GABRA3: variants seen among roughly 807,000 people sequenced by gnomAD.
The protein encoded by GABRA3 is gamma-aminobutyric acid type A receptor subunit alpha3.
GABRA3 carries 10 observed loss-of-function variants against 30.1 expected under a neutral mutation model. That is an observed-to-expected ratio of 0.33 (90% CI 0.20 to 0.56). The LOEUF is 0.56. GABRA3 is among the 20% of genes least tolerant of loss of function. GABRA3 has a pLI of 0.89. For synonymous variants in GABRA3, 151 were observed against 146.8 expected (o/e 1.03, Z -0.21); for missense variants, 233 against 392.0 (o/e 0.59, Z 3.42).
intron 1 of GABRA3, among the ~76,000 whole-genome samples, chrX:152,434,775 T>A (rs1930735131): frequency 9.0e-6 from 1 of 111,673 alleles, no homozygotes; most frequent in South Asian, 3.7e-4. Context: ...AGCAATAGAC[T>A]TAGAAAGATC....
chrX:152,380,930 C>T (rs1929125919), intron 1 of GABRA3, among the ~76,000 whole-genome samples: 1 of 111,614 alleles, frequency 9.0e-6, no homozygotes, highest in African/African-American at 3.3e-5. Context: ...GGGCAGATCC[C>T]TCATTAATGA....
chrX:152,239,119 T>C (rs1230267533), intron 5 of GABRA3, among the ~76,000 whole-genome samples: 5 of 100,014 alleles, frequency 5.0e-5, no homozygotes, highest in African/African-American at 1.5e-4. Flanking sequence ...CTGCTTTCTC[T>C]TGTGGGCATT....
intron 3 of GABRA3, among the ~76,000 whole-genome samples, chrX:152,285,573 T>G (rs1040353920): frequency 8.9e-6 from 1 of 111,793 alleles, no homozygotes; most frequent in Non-Finnish European, 1.9e-5. Flanking sequence ...CACCACATAT[T>G]TGCCAAATTG....
chrX:152,398,925 G>A (rs1000528516), intron 1 of GABRA3, among the ~76,000 whole-genome samples: 5 of 111,921 alleles, frequency 4.5e-5, no homozygotes, highest in African/African-American at 1.6e-4. Flanking sequence ...TGTGGAGATA[G>A]TCATGATATA....
intron 3 of GABRA3, among the ~76,000 whole-genome samples, chrX:152,309,652 C>T (rs1939771441): frequency 8.9e-6 from 1 of 111,956 alleles, no homozygotes; most frequent in South Asian, 3.7e-4. Context: ...GAGTGTTAAA[C>T]ACAGAAACAA....
At chrX:152,275,264 T>A (rs1226473985) in intron 4 of GABRA3, among the ~76,000 whole-genome samples, 2 of 54,470 alleles carry the variant, frequency 3.7e-5, no homozygotes, top group Admixed American at 3.1e-4. Context: ...AAAATATATA[T>A]AAATTATATA....
At chrX:152,362,168 T>C (rs1414387317) in intron 2 of GABRA3, among the ~76,000 whole-genome samples, 1 of 110,966 alleles carries the variant, frequency 9.0e-6, no homozygotes, top group Non-Finnish European at 1.9e-5. Context: ...TCAGAGTACA[T>C]TAAGATAATC....
At chrX:152,221,449 G>C (rs1345918519) in intron 6 of GABRA3, among the ~76,000 whole-genome samples, 1 of 111,415 alleles carries the variant, frequency 9.0e-6, no homozygotes, top group Non-Finnish European at 1.9e-5. Context: ...CTAGATATCT[G>C]ATATCAGATT....
Position 152,298,306 on chromosome X carries a change from T to C in GABRA3, c.263-13571A>G, listed in dbSNP as rs919495984. Among the ~76,000 whole-genome samples the C allele has an allele frequency of 1.1e-4, 12 of 110,724 alleles. No homozygotes were observed. The East Asian group carries it at 2.3e-3, about 21-fold the overall frequency. ...TAGTTACATATGTATACATGTGCCA[T>C]GTTGGTGTGCGGCACCCATTAACTC... On this transcript the variant is annotated intron_variant, in intron 3 of 9. Transcript: ENST00000370314.
chrX:152,258,432 T>A (rs1158936422), intron 4 of GABRA3, among the ~76,000 whole-genome samples: 1 of 111,396 alleles, frequency 9.0e-6, no homozygotes, highest in Non-Finnish European at 1.9e-5. Context: ...CTATGAAGGA[T>A]AAAAACAAAA....
At chrX:152,188,521 C>T (rs899142484) in intron 9 of GABRA3, among the ~76,000 whole-genome samples, 1 of 110,154 alleles carries the variant, frequency 9.1e-6, no homozygotes, top group Non-Finnish European at 1.9e-5. Context: ...AGACCCTGTT[C>T]CTAGCTGATA....
intron 4 of GABRA3, among the ~76,000 whole-genome samples, chrX:152,270,915 C>T (rs1938922082): frequency 1.9e-5 from 2 of 106,444 alleles, no homozygotes; most frequent in South Asian, 8.2e-4. Flanking sequence ...GACTTGGAGG[C>T]CTGAGAAGAC....
At chrX:152,201,233 TG>T (rs199844559) in intron 7 of GABRA3, among the ~76,000 whole-genome samples, 2,543 of 112,000 alleles carry the variant, frequency 0.023, 69 homozygotes, top group African/African-American at 0.079. Context: ...AAGAGAGAAC[TG>T]AAACTTTAAT....
At chrX:152,341,807 T>G (rs938252269) in intron 3 of GABRA3, among the ~76,000 whole-genome samples, 1 of 111,438 alleles carries the variant, frequency 9.0e-6, no homozygotes, top group Non-Finnish European at 1.9e-5. Flanking sequence ...CCAAAAGTGC[T>G]GGGATTACAG....
intron 3 of GABRA3, among the ~76,000 whole-genome samples, chrX:152,308,084 A>C (rs1403663576): frequency 8.9e-6 from 1 of 112,488 alleles, no homozygotes; most frequent in African/African-American, 3.2e-5. Flanking sequence ...GTCTGATCTG[A>C]GTGCCCCTGG....
intron 1 of GABRA3, among the ~76,000 whole-genome samples, chrX:152,379,632 A>G: frequency 9.0e-6 from 1 of 111,704 alleles, no homozygotes; most frequent in South Asian, 3.7e-4. Context: ...AACATAATAG[A>G]TATTTACTAT....
intron 2 of GABRA3, among the ~76,000 whole-genome samples, chrX:152,362,240 G>C (rs1189556438): frequency 9.2e-6 from 1 of 109,169 alleles, no homozygotes; most frequent in Non-Finnish European, 1.9e-5. Flanking sequence ...AAGAATATAG[G>C]ACAATAGCCA....
intron 2 of GABRA3, among the ~76,000 whole-genome samples, chrX:152,358,540 C>G (rs751169782): frequency 9.0e-6 from 1 of 111,378 alleles, no homozygotes; most frequent in East Asian, 2.8e-4. Context: ...TTATATCTTT[C>G]TCTTGCCTGA....
At chrX:152,413,171 C>T (rs975284899) in intron 1 of GABRA3, among the ~76,000 whole-genome samples, 1 of 110,150 alleles carries the variant, frequency 9.1e-6, no homozygotes, top group Non-Finnish European at 1.9e-5. Context: ...GAATTCTCAC[C>T]AAAAACCTTA....
Sources: gnomAD v4.1 joint callset for allele counts (sites outside exome capture counted in the v4.1 genomes callset) on GRCh38, gnomAD v4.1.1 for gene constraint, MANE v1.5 for transcripts, NCBI Gene and HGNC (gene_info 2026-07-23, HGNC 2026-07-21) for gene names.